STAT5B: variants seen among roughly 807,000 people sequenced by gnomAD.
STAT5B encodes the protein transcription factor STAT5B.
Under a neutral mutation model 107.8 loss-of-function variants are expected in STAT5B, and 21 were observed. The ratio of observed to expected loss-of-function variants is 0.19; its 90% confidence interval spans 0.14 to 0.28. STAT5B has a LOEUF of 0.28. STAT5B is among the 10% of genes least tolerant of loss of function. STAT5B has a pLI of 1.00. For missense variants in STAT5B, 565 were observed against 1,008.2 expected, an observed-to-expected ratio of 0.56 and a Z score of 5.95; for synonymous variants, 325 against 401.7, an observed-to-expected ratio of 0.81 and a Z score of 2.28.
At chr17:42,217,560 T>G in intron 9 of STAT5B, 96 bp from the exon 10 acceptor site, 1 of 1,396,588 alleles carries the variant, frequency 7.2e-7, no homozygotes, top group Non-Finnish European at 1.0e-6. Flanking sequence ...AATAGAGAAG[T>G]TTGCTAAAAA....
chr17:42,217,923 C>A (rs2080186936), intron 9 of STAT5B: 2 of 651,746 alleles, frequency 3.1e-6, no homozygotes, highest in East Asian at 6.4e-5. Flanking sequence ...CCAGGCTGGT[C>A]TTGAACTCCT....
chr17:42,253,341 C>G (rs2080515483), intron 1 of STAT5B, among the ~76,000 whole-genome samples: 1 of 152,178 alleles, frequency 6.6e-6, no homozygotes, highest in South Asian at 2.1e-4. Flanking sequence ...AAGCTGCTTG[C>G]TCAAAAGCTG....
chr17:42,263,121 C>T (rs149815223), intron 1 of STAT5B, among the ~76,000 whole-genome samples: 3,092 of 146,730 alleles, frequency 0.021, 61 homozygotes, highest in Middle Eastern at 0.059. Flanking sequence ...CTGCAGCCTC[C>T]ACTTCCCAGG....
chr17:42,203,510 A>G (rs576256500), intron 16 of STAT5B, among the ~76,000 whole-genome samples: 1 of 152,306 alleles, frequency 6.6e-6, no homozygotes, highest in Admixed American at 6.5e-5. Flanking sequence ...CAGGACCAGG[A>G]GGGGCAGGTC....
intron 5 of STAT5B, among the ~76,000 whole-genome samples, chr17:42,222,684 TTTTTTTTTTTTTTTGAGACAGAA>T (rs1237890922): frequency 1.3e-5 from 2 of 151,330 alleles, no homozygotes; most frequent in Non-Finnish European, 2.9e-5. Flanking sequence ...CTTAGAATTT[TTTTTTTTTTTTTTTGAGACAGAA>T]TTTTGCTCTT....
chr17:42,213,635 C>G (rs1184652883), intron 12 of STAT5B, among the ~76,000 whole-genome samples: 1 of 151,456 alleles, frequency 6.6e-6, no homozygotes, highest in African/African-American at 2.4e-5. Flanking sequence ...TCAAGCAATT[C>G]TCCTGCCTCA....
intron 1 of STAT5B, among the ~76,000 whole-genome samples, chr17:42,270,335 T>C (rs917705643): frequency 2.6e-5 from 4 of 152,076 alleles, no homozygotes; most frequent in Non-Finnish European, 4.4e-5. Context: ...AAAATAAAGT[T>C]GTAAATAAAA....
chr17:42,256,185 C>G (rs1193643231), intron 1 of STAT5B, among the ~76,000 whole-genome samples: 2 of 152,120 alleles, frequency 1.3e-5, no homozygotes, highest in East Asian at 3.8e-4. Context: ...TTTTTTCTAT[C>G]TTTAATGCTG....
chr17:42,217,612 A>C, intron 9 of STAT5B, 148 bp from the exon 10 acceptor site: 1 of 778,230 alleles, frequency 1.3e-6, no homozygotes, highest in Admixed American at 2.0e-5. Context: ...TAACACATAC[A>C]TGTAATCTTC....
At chr17:42,228,260 T>C (rs1401375780) in intron 2 of STAT5B, among the ~76,000 whole-genome samples, 1 of 152,226 alleles carries the variant, frequency 6.6e-6, no homozygotes, top group Non-Finnish European at 1.5e-5. Context: ...ATGTCACTAG[T>C]TGCAGACCCA....
In STAT5B at chr17:42,270,103, C is replaced by T. The variant is rs8073694; in HGVS notation, c.-11+6145G>A. On this transcript the variant is annotated intron_variant, in intron 1 of 18. Coordinates refer to ENST00000293328, the MANE Select transcript of STAT5B (RefSeq NM_012448.4). ...CACATGCCTGTAGTCCTAGCTACTC[C>T]GGAGGCTGGGCAGGAGAATCTCTTG... is the stretch of plus-strand genomic sequence containing the variant. Among the ~76,000 whole-genome samples, 522 of 152,112 alleles carry T rather than the reference C, an allele frequency of 3.4e-3. 3 individuals are homozygous for T. The highest frequency in any genetic ancestry group is 0.012 in the African/African-American group (502 of 41,498).
chr17:42,211,852 G>A, intron 13 of STAT5B, 132 bp downstream of exon 13: 1 of 1,389,588 alleles, frequency 7.2e-7, no homozygotes, highest in Non-Finnish European at 1.0e-6. Flanking sequence ...TGTCCATCTA[G>A]TCAGAAGCTT....
At chr17:42,242,198 T>C (rs1220331985) in intron 1 of STAT5B, among the ~76,000 whole-genome samples, 1 of 152,078 alleles carries the variant, frequency 6.6e-6, no homozygotes, top group Non-Finnish European at 1.5e-5. Context: ...TTACTAAATA[T>C]AAAAATCAGG....
chr17:42,267,072 C>T (rs968920196), intron 1 of STAT5B, among the ~76,000 whole-genome samples: 2 of 152,088 alleles, frequency 1.3e-5, no homozygotes, highest in East Asian at 1.9e-4. Context: ...CCTCTAGTGA[C>T]GCTGTAGCCA....
upstream of STAT5B, among the ~76,000 whole-genome samples, chr17:42,278,923 G>C (rs1348843753): frequency 1.3e-5 from 2 of 151,734 alleles, no homozygotes; most frequent in African/African-American, 4.8e-5. Context: ...AGGTTGCAGT[G>C]AGCCGAGATC....
chr17:42,249,559 C>G (rs1177597445), intron 1 of STAT5B, among the ~76,000 whole-genome samples: 2 of 152,158 alleles, frequency 1.3e-5, no homozygotes, highest in African/African-American at 4.8e-5. Context: ...AGGTTCAATG[C>G]TGACAACCAG....
chr17:42,217,669 G>C, intron 9 of STAT5B: 1 of 595,696 alleles, frequency 1.7e-6, no homozygotes, highest in South Asian at 1.9e-5. Context: ...TATCTTCACA[G>C]AAAACAGTTC....
At position 42,218,427 on chromosome 17, in the gene STAT5B, G is replaced by A. The variant is rs1322616460; in HGVS notation, c.990-97C>T. 9 of 1,533,138 alleles carry A rather than the reference G, an allele frequency of 5.9e-6. No homozygotes were observed. In the East Asian group the frequency reaches 1.6e-4, roughly 27 times the overall value. 95.0% of individuals were successfully genotyped at this position (1,533,138 alleles called of 1,614,324 possible). On this transcript the variant is annotated intron_variant, in intron 8 of 18. Coordinates refer to ENST00000293328, the MANE Select transcript of STAT5B (RefSeq NM_012448.4). ...GTGGGGGTGGGGCTGCCTCCCGAGGGGCTCAGGAGGTGAAGAGCTCGGGCA... is the reference window on the plus strand; with the variant it reads ...GTGGGGGTGGGGCTGCCTCCCGAGGAGCTCAGGAGGTGAAGAGCTCGGGCA...
chr17:42,245,022 C>T (rs1389290008), intron 1 of STAT5B, among the ~76,000 whole-genome samples: 1 of 151,476 alleles, frequency 6.6e-6, no homozygotes, highest in Non-Finnish European at 1.5e-5. Flanking sequence ...TTGTCTCAGC[C>T]TCCTGAGCAG....
Sources: gnomAD v4.1 joint callset for allele counts (sites outside exome capture counted in the v4.1 genomes callset) on GRCh38, gnomAD v4.1.1 for gene constraint, MANE v1.5 for transcripts, NCBI Gene and HGNC (gene_info 2026-07-23, HGNC 2026-07-21) for gene names.